The following CCSER1 variants were observed in gnomAD, a reference collection of about 807,000 sequenced individuals.
CCSER1 encodes serine-rich coiled-coil domain-containing protein 1.
In CCSER1, 41 loss-of-function variants were observed where a neutral mutation model predicts 82.0. That is an observed-to-expected ratio of 0.50 (90% CI 0.39 to 0.65). CCSER1 has a LOEUF of 0.65. CCSER1 is among the 30% of genes least tolerant of loss of function. The pLI, the probability that CCSER1 is intolerant of heterozygous loss-of-function variation, is 0.00. For missense variants in CCSER1, 1,119 were observed against 1,064.2 expected (o/e 1.05, Z -0.72); for synonymous variants, 414 against 383.9 (o/e 1.08, Z -0.92).
chr4:91,580,646 C>A (rs1448526271), intron 10 of CCSER1, among the ~76,000 whole-genome samples: 1 of 151,626 alleles, frequency 6.6e-6, no homozygotes, highest in Non-Finnish European at 1.5e-5. Context: ...CATTTTAAAA[C>A]CCCTGTGATG....
At position 90,825,993 on chromosome 4, in the gene CCSER1, C is replaced by T. The variant is rs550821927; in HGVS notation, c.2094+10148C>T. Among the ~76,000 whole-genome samples, 4 of 152,074 alleles carry T rather than the reference C, an allele frequency of 2.6e-5. No individual in the cohort carries two copies. The South Asian group carries it at 8.3e-4, about 32-fold the overall frequency. Reference sequence around the variant, plus strand: ...GCCTGAGTCACCGCACTCAGCACAACAATTGTTTTTTATAAGGTACTTTGA... The same window carrying T: ...GCCTGAGTCACCGCACTCAGCACAATAATTGTTTTTTATAAGGTACTTTGA... On this transcript the variant is annotated intron_variant, in intron 8 of 10. Transcript: ENST00000509176.
At chr4:91,414,697 T>C (rs1172150358) in intron 10 of CCSER1, among the ~76,000 whole-genome samples, 1 of 152,024 alleles carries the variant, frequency 6.6e-6, no homozygotes, top group African/African-American at 2.4e-5. Context: ...AAGACAAACA[T>C]AGGTTGAAAG....
chr4:90,937,786 T>A (rs1731136511), intron 9 of CCSER1, among the ~76,000 whole-genome samples: 1 of 152,202 alleles, frequency 6.6e-6, no homozygotes, highest in Admixed American at 6.5e-5. Context: ...CAATTTCATA[T>A]CCTTGATTGG....
At chr4:90,129,465 AC>A (rs1445385542) in intron 1 of CCSER1, among the ~76,000 whole-genome samples, 1 of 152,234 alleles carries the variant, frequency 6.6e-6, no homozygotes, top group African/African-American at 2.4e-5. Context: ...AGCAACCTGT[AC>A]TTTTATAGAA....
intron 8 of CCSER1, among the ~76,000 whole-genome samples, chr4:90,866,021 A>G (rs576295688): frequency 5.7e-4 from 86 of 151,732 alleles, no homozygotes; most frequent in African/African-American, 2.1e-3. Context: ...GCAGTAACTC[A>G]CTCTTGGGCC....
At chr4:90,237,786 A>T (rs535064499) in intron 1 of CCSER1, among the ~76,000 whole-genome samples, 18 of 152,296 alleles carry the variant, frequency 1.2e-4, no homozygotes, top group African/African-American at 4.3e-4. Flanking sequence ...TAACGACAAC[A>T]TCTTAATTAT....
At position 91,538,832 on chromosome 4, in the gene CCSER1, C is replaced by T. The variant is rs1386691730; in HGVS notation, c.2218-59740C>T. Among the ~76,000 whole-genome samples the T allele has an allele frequency of 4.0e-5, 6 of 151,662 alleles. No homozygotes were observed. In the East Asian group the frequency reaches 7.8e-4, roughly 20 times the overall value. ...GGTTCTAAGCAACAGCAACTTTAAT[C>T]AGGGAAGGCTGATGCAAACCCTCTA... On this transcript the variant is annotated intron_variant, in intron 10 of 10. Transcript: ENST00000509176.
intron 5 of CCSER1, among the ~76,000 whole-genome samples, chr4:90,598,845 C>G (rs1433348826): frequency 2.0e-5 from 3 of 152,162 alleles, no homozygotes; most frequent in African/African-American, 7.2e-5. Flanking sequence ...TCTGAGGCAC[C>G]TTGTTCCCAG....
rs1345660822 is a variant in CCSER1, at chr4:91,296,464, TA to T, written c.2217+210471del. 5.9e-4 allele frequency among the ~76,000 whole-genome samples: 30 copies of T among 50,950 alleles called. 1 individual carries two copies. The highest frequency in any genetic ancestry group is 2.3e-3 in the African/African-American group (29 of 12,672). The allele number at this position is 50,950 out of a possible 152,430, so 33.4% of individuals were successfully genotyped here. On this transcript the variant is annotated intron_variant, in intron 10 of 10. Transcript: ENST00000509176. ...GTGTCTAACATTATATATATATATA[TA>T]TGTATATATATATATATATATTTTA...
At chr4:90,580,282 T>C (rs913696182) in intron 5 of CCSER1, among the ~76,000 whole-genome samples, 30 of 152,152 alleles carry the variant, frequency 2.0e-4, no homozygotes, top group Admixed American at 1.3e-3. Flanking sequence ...TCCTTACTAA[T>C]TATGTGACTT....
intron 1 of CCSER1, among the ~76,000 whole-genome samples, chr4:90,158,315 G>A (rs1728709637): frequency 2.6e-5 from 4 of 152,164 alleles, no homozygotes; most frequent in Admixed American, 2.0e-4. Flanking sequence ...TAGGCTGCTC[G>A]GGGGTCAGGG....
intron 1 of CCSER1, among the ~76,000 whole-genome samples, chr4:90,232,168 A>C (rs2153428608): frequency 6.6e-6 from 1 of 152,330 alleles, no homozygotes; most frequent in Admixed American, 6.5e-5. Flanking sequence ...TCGCCAAGTC[A>C]ATCCTAATCC....
At chr4:91,404,513 G>C (rs1228185713) in intron 10 of CCSER1, among the ~76,000 whole-genome samples, 1 of 152,016 alleles carries the variant, frequency 6.6e-6, no homozygotes, top group Non-Finnish European at 1.5e-5. Flanking sequence ...GATCTTTCCT[G>C]CTTCTCTTGT....
At chr4:90,609,418 A>G (rs1579448078) in intron 5 of CCSER1, among the ~76,000 whole-genome samples, 1 of 152,178 alleles carries the variant, frequency 6.6e-6, no homozygotes, top group East Asian at 1.9e-4. Context: ...CTGTCAGAAA[A>G]AGATTATACC....
rs143409554 is a variant in CCSER1 at position 90,665,264 on chromosome 4, T to A, written c.1932+37032T>A. Among the ~76,000 whole-genome samples the A allele has an allele frequency of 5.8e-4, 89 of 152,168 alleles. 1 individual carries two copies. In the East Asian group the frequency reaches 0.014, roughly 23 times the overall value. On this transcript the variant is annotated intron_variant, in intron 6 of 10. Transcript: ENST00000509176. ...CATGTATTTTCTGCGCTTTGTGACA[T>A]ATGGCTGTAATTTCGAGGTAGGGAG...
At chr4:91,417,866 T>C (rs1187974138) in intron 10 of CCSER1, among the ~76,000 whole-genome samples, 1 of 151,874 alleles carries the variant, frequency 6.6e-6, no homozygotes, top group Non-Finnish European at 1.5e-5. Flanking sequence ...GAAGAGAATT[T>C]AAAAAATATT....
chr4:90,980,603 C>A (rs1208552786), intron 9 of CCSER1, among the ~76,000 whole-genome samples: 2 of 151,602 alleles, frequency 1.3e-5, no homozygotes, highest in African/African-American at 4.8e-5. Context: ...GTTGTAATAG[C>A]GATGATACTA....
intron 7 of CCSER1, among the ~76,000 whole-genome samples, chr4:90,731,062 T>G (rs1005281856): frequency 1.3e-5 from 2 of 152,148 alleles, no homozygotes; most frequent in Admixed American, 1.3e-4. Context: ...GCTCCTATAG[T>G]TGAAAGATTA....
chr4:90,612,893 A>C (rs1459743847), intron 5 of CCSER1, among the ~76,000 whole-genome samples: 1 of 152,188 alleles, frequency 6.6e-6, no homozygotes, highest in African/African-American at 2.4e-5. Context: ...GGGCCAGGGC[A>C]TAGCATTGGT....
Sources: gnomAD v4.1 joint callset for allele counts (sites outside exome capture counted in the v4.1 genomes callset) on GRCh38, gnomAD v4.1.1 for gene constraint, MANE v1.5 for transcripts, NCBI Gene and HGNC (gene_info 2026-07-23, HGNC 2026-07-21) for gene names.